DOCK2: variants seen among roughly 807,000 people sequenced by gnomAD.
The protein encoded by DOCK2 is dedicator of cytokinesis protein 2.
DOCK2 carries 87 observed loss-of-function variants against 248.9 expected under a neutral mutation model. That is an observed-to-expected ratio of 0.35 (90% CI 0.29 to 0.42). The LOEUF (loss-of-function observed/expected upper bound fraction) is 0.42, where lower values mean the gene tolerates loss of function less well. Ranked by LOEUF, DOCK2 falls within the 10% of genes least tolerant of loss-of-function variation. The pLI, the probability that DOCK2 is intolerant of heterozygous loss-of-function variation, is 1.00. For synonymous variants in DOCK2, 805 were observed against 821.6 expected, an observed-to-expected ratio of 0.98 and a Z score of 0.35; for missense variants, 1,747 against 2,300.2, an observed-to-expected ratio of 0.76 and a Z score of 4.92.
Position 170,075,944 on chromosome 5 carries a change from C to T in DOCK2, c.4729-3C>T, listed in dbSNP as rs1200136676. The T allele has an allele frequency of 1.2e-6, 2 of 1,613,970 alleles. No individual in the cohort carries two copies. Among genetic ancestry groups the T allele is most frequent in the Non-Finnish European group, 1.7e-6 (2 of 1,179,918 alleles). ...GGCTCATTCTTTACCACTTTCTCTC[C>T]AGATCCCCTTCTTGGGAGCTGGGAT... On this transcript the variant is annotated splice_polypyrimidine_tract_variant and splice_region_variant and intron_variant, in intron 46 of 51. Transcript: ENST00000520908.
intron 8 of DOCK2, among the ~76,000 whole-genome samples, chr5:169,686,331 C>T (rs1261401583): frequency 2.6e-5 from 4 of 152,186 alleles, no homozygotes; most frequent in Non-Finnish European, 5.9e-5. Flanking sequence ...ATGGCTGGAC[C>T]AGCTCTGTGG....
At position 169,702,358 on chromosome 5, in the gene DOCK2, C is replaced by T. The variant is rs1695741724; in HGVS notation, c.1314C>T (p.Tyr438=). The change falls in exon 14 of 52, where the codon TAC becomes TAT. Residue 438 remains tyrosine, a synonymous_variant. Transcript: ENST00000520908. The part of the protein sequence containing the change: ...ITLLQGDFDK[Y]NKTTQRNVEV... ...TCTTACAAGGTGACTTTGACAAGTA[C>T]AACAAGACCACACAGAGGAATGTGG... The T allele has an allele frequency of 6.2e-7, 1 of 1,613,844 alleles. No individual in the cohort carries two copies.
intron 26 of DOCK2, among the ~76,000 whole-genome samples, chr5:169,832,957 G>A (rs1169825321): frequency 6.6e-6 from 1 of 152,186 alleles, no homozygotes; most frequent in African/African-American, 2.4e-5. Context: ...CAGAGGAGGT[G>A]AGATTGTCCT....
intron 9 of DOCK2, among the ~76,000 whole-genome samples, chr5:169,690,871 A>G (rs902167942): frequency 3.9e-5 from 6 of 152,184 alleles, no homozygotes; most frequent in Non-Finnish European, 7.4e-5. Flanking sequence ...GAACAAGTGG[A>G]GTTGAGAGCC....
intron 13 of DOCK2, among the ~76,000 whole-genome samples, chr5:169,701,827 A>G (rs966916257): frequency 1.1e-4 from 17 of 151,842 alleles, no homozygotes; most frequent in African/African-American, 1.2e-4. Context: ...CAGATTTTCT[A>G]TTTTTCTTAC....
At chr5:169,906,222 C>G (rs1197907062) in intron 27 of DOCK2, among the ~76,000 whole-genome samples, 2 of 152,148 alleles carry the variant, frequency 1.3e-5, no homozygotes, top group Admixed American at 1.3e-4. Context: ...TTTCTGACGT[C>G]AAACGCAAGC....
At chr5:169,858,694 G>C (rs1771019662) in intron 27 of DOCK2, among the ~76,000 whole-genome samples, 1 of 152,174 alleles carries the variant, frequency 6.6e-6, no homozygotes, top group African/African-American at 2.4e-5. Flanking sequence ...CTGCTATGTG[G>C]AGAAGATATT....
In DOCK2 at chr5:170,057,058, G is replaced by A. The variant is rs180684221; in HGVS notation, c.4380+290G>A. ...CACGTAGAAACCCTCAGGCTAAGAA[G>A]GGGTGTTGATAAAATCAAACCTTCC... On this transcript the variant is annotated intron_variant, in intron 43 of 51. Coordinates refer to ENST00000520908, the MANE Select transcript of DOCK2 (RefSeq NM_004946.3). 3.1e-5 allele frequency: 13 copies of A among 416,714 alleles called. No individual in the cohort carries two copies. The Admixed American group carries it at 4.1e-4, about 13-fold the overall frequency. 25.8% of individuals were successfully genotyped at this position (416,714 alleles called of 1,614,324 possible).
intron 25 of DOCK2, among the ~76,000 whole-genome samples, chr5:169,786,547 C>G (rs1765992836): frequency 6.6e-6 from 1 of 152,178 alleles, no homozygotes; most frequent in Non-Finnish European, 1.5e-5. Context: ...CTCTTGATGG[C>G]AGGAGATTCT....
chr5:169,804,467 TGTGTGTGTGTGTGTGTGTGCGC>T (rs1181217066), intron 26 of DOCK2, among the ~76,000 whole-genome samples: 1 of 82,020 alleles, frequency 1.2e-5, no homozygotes, highest in African/African-American at 3.1e-5. Flanking sequence ...TGTGTGTGTG[TGTGTGTGTGTGTGTGTGTGCGC>T]GCGCGCGTGC....
intron 27 of DOCK2, among the ~76,000 whole-genome samples, chr5:169,940,638 C>T (rs1299120524): frequency 6.6e-6 from 1 of 152,182 alleles, no homozygotes; most frequent in African/African-American, 2.4e-5. Flanking sequence ...TCATAAGGAG[C>T]ACGCAACTTA....
chr5:169,665,909 G>T (rs1758697864), intron 2 of DOCK2, among the ~76,000 whole-genome samples: 1 of 152,068 alleles, frequency 6.6e-6, no homozygotes, highest in Admixed American at 6.6e-5. Context: ...TTTGATATTG[G>T]TATTTGAGAT....
chr5:170,080,437 C>A (rs1757988515), intron 50 of DOCK2, 154 bp downstream of exon 50: 3 of 1,186,004 alleles, frequency 2.5e-6, no homozygotes, highest in Non-Finnish European at 3.5e-6. Flanking sequence ...ACCCTCTAAT[C>A]TCTCCCCACA....
At chr5:170,026,116 T>G (rs1207666188) in intron 33 of DOCK2, among the ~76,000 whole-genome samples, 6 of 152,114 alleles carry the variant, frequency 3.9e-5, no homozygotes, top group African/African-American at 1.4e-4. Context: ...GGTCCCTCCC[T>G]TAGATCCTTT....
intron 35 of DOCK2, among the ~76,000 whole-genome samples, chr5:170,035,316 C>G (rs558419465): frequency 1.9e-3 from 296 of 152,324 alleles, no homozygotes; most frequent in African/African-American, 6.7e-3. Context: ...ACATCAACCT[C>G]CCTACCATTC....
At chr5:170,066,960 C>T (rs1196850740) in intron 44 of DOCK2, among the ~76,000 whole-genome samples, 1 of 152,196 alleles carries the variant, frequency 6.6e-6, no homozygotes, top group African/African-American at 2.4e-5. Flanking sequence ...TTGCAAACTG[C>T]ACTTTTTGCC....
chr5:169,836,247 AG>A lies in DOCK2; in HGVS notation c.2704-4507del, dbSNP rs543358665. Among the ~76,000 whole-genome samples the A allele has an allele frequency of 1.2e-4, 18 of 152,376 alleles. No homozygotes were observed. In the East Asian group the frequency reaches 3.1e-3, roughly 26 times the overall value. The stretch of plus-strand genomic sequence containing the variant: ...CAAAGTTTCATTTAACTGGTAAACC[AG>A]GGAACAAGCTGAACAACAACAACCT... On this transcript the variant is annotated intron_variant, in intron 26 of 51. Transcript: ENST00000520908.
chr5:170,021,917 G>A (rs1755742428), intron 33 of DOCK2, among the ~76,000 whole-genome samples: 1 of 152,154 alleles, frequency 6.6e-6, no homozygotes, highest in Non-Finnish European at 1.5e-5. Context: ...ATCCAGGAGG[G>A]CTGGTGTGCA....
At chr5:170,066,125 T>A (rs1757487020) in intron 44 of DOCK2, among the ~76,000 whole-genome samples, 1 of 152,094 alleles carries the variant, frequency 6.6e-6, no homozygotes, top group South Asian at 2.1e-4. Flanking sequence ...CTAATTTTTG[T>A]ATTTTTAGTA....
Sources: allele counts gnomAD v4.1 joint callset (sites outside exome capture counted in the v4.1 genomes callset), GRCh38; gene constraint gnomAD v4.1.1; transcripts MANE v1.5; gene names NCBI Gene and HGNC (gene_info 2026-07-23, HGNC 2026-07-21).